UCHL3: variants seen among roughly 807,000 people sequenced by gnomAD.
The protein encoded by UCHL3 is ubiquitin carboxyl-terminal hydrolase isozyme L3.
UCHL3 carries 22 observed loss-of-function variants against 35.8 expected under a neutral mutation model. That is an observed-to-expected ratio of 0.61 (90% CI 0.44 to 0.88). The LOEUF (loss-of-function observed/expected upper bound fraction) is 0.88, where lower values mean the gene tolerates loss of function less well. Ranked by LOEUF, UCHL3 falls within the 40% of genes least tolerant of loss-of-function variation. The pLI, the probability that UCHL3 is intolerant of heterozygous loss-of-function variation, is 0.00. For missense variants in UCHL3, 229 were observed against 276.9 expected, an observed-to-expected ratio of 0.83 and a Z score of 1.23; for synonymous variants, 90 against 92.8, an observed-to-expected ratio of 0.97 and a Z score of 0.17.
At chr13:75,593,704 C>T (rs577305040) in intron 6 of UCHL3, among the ~76,000 whole-genome samples, 1 of 152,268 alleles carries the variant, frequency 6.6e-6, no homozygotes, top group Non-Finnish European at 1.5e-5. Context: ...TGTTGAATTT[C>T]TTCCGTTCAT....
At chr13:75,603,364 A>T (rs184858414) in intron 7 of UCHL3, among the ~76,000 whole-genome samples, 1 of 152,166 alleles carries the variant, frequency 6.6e-6, no homozygotes, top group Non-Finnish European at 1.5e-5. Flanking sequence ...GTGCTGTTGC[A>T]TGTGCCTGCA....
chr13:75,602,067 C>T (rs990981547), intron 7 of UCHL3, among the ~76,000 whole-genome samples: 24 of 152,038 alleles, frequency 1.6e-4, no homozygotes, highest in Non-Finnish European at 2.5e-4. Context: ...TGAGATTGTG[C>T]CACTGTACTC....
At chr13:75,575,328 G>A (rs1018366304) in intron 6 of UCHL3, among the ~76,000 whole-genome samples, 1 of 152,126 alleles carries the variant, frequency 6.6e-6, no homozygotes, top group African/African-American at 2.4e-5. Flanking sequence ...ACACTGAAAG[G>A]TATTGCTTTC....
chr13:75,605,990 T>G lies in UCHL3; in HGVS notation c.*178T>G. ...TGCTCCAGGTTAAAGGTGCAATGCT[T>G]TCCTCCTCTTTTCTTGTGAAGGATT... On this transcript the variant is annotated 3_prime_UTR_variant, in exon 9 of 9. Coordinates refer to ENST00000377595, the MANE Select transcript of UCHL3 (RefSeq NM_006002.5). 1 of 555,106 alleles carries G rather than the reference T, an allele frequency of 1.8e-6. No homozygotes were observed. The highest frequency in any genetic ancestry group is 3.2e-6 in the Non-Finnish European group (1 of 314,134). 34.4% of individuals were successfully genotyped at this position (555,106 alleles called of 1,614,324 possible).
intron 3 of UCHL3, among the ~76,000 whole-genome samples, chr13:75,561,134 C>T (rs151159240): frequency 1.1e-3 from 165 of 152,190 alleles, no homozygotes; most frequent in African/African-American, 3.7e-3. Context: ...AGGGCCTCAC[C>T]GTGTTGCCTG....
At chr13:75,564,083 A>G (rs2031603331) in intron 3 of UCHL3, among the ~76,000 whole-genome samples, 1 of 152,080 alleles carries the variant, frequency 6.6e-6, no homozygotes, top group Admixed American at 6.5e-5. Context: ...TTAGCCATCT[A>G]TGGACATTTG....
Position 75,594,409 on chromosome 13 carries a change from A to T in UCHL3, c.475-506A>T, listed in dbSNP as rs144287105. On this transcript the variant is annotated intron_variant, in intron 6 of 8. Coordinates refer to ENST00000377595, the MANE Select transcript of UCHL3 (RefSeq NM_006002.5). ...TGCTTATTTTACTCAAAGACTGTTTACACTGCACTGTTGAAACATCAGATT... is the reference window on the plus strand; with the variant it reads ...TGCTTATTTTACTCAAAGACTGTTTTCACTGCACTGTTGAAACATCAGATT... Among the ~76,000 whole-genome samples, 19 of 152,320 alleles carry T rather than the reference A, an allele frequency of 1.2e-4. No individual in the cohort carries two copies. The East Asian group carries it at 3.7e-3, about 29-fold the overall frequency.
chr13:75,594,573 T>C (rs60083157), intron 6 of UCHL3, among the ~76,000 whole-genome samples: 11,054 of 124,374 alleles, frequency 0.089, 1,334 homozygotes, highest in African/African-American at 0.26. Context: ...TATCAGTTCA[T>C]GTATTCATTT....
chr13:75,559,230 C>T (rs1455296310), intron 2 of UCHL3, among the ~76,000 whole-genome samples: 1 of 151,588 alleles, frequency 6.6e-6, no homozygotes, highest in Non-Finnish European at 1.5e-5. Flanking sequence ...TTAGTAGAGA[C>T]GGGGTTTCAC....
intron 8 of UCHL3, among the ~76,000 whole-genome samples, chr13:75,605,264 T>C (rs976433874): frequency 2.0e-5 from 3 of 152,114 alleles, no homozygotes; most frequent in Non-Finnish European, 2.9e-5. Flanking sequence ...TCCCAGCACT[T>C]TGGGAGGCCG....
At position 75,566,724 on chromosome 13, in the gene UCHL3, AAAAAT is replaced by A; in HGVS notation, c.219_223del (p.Lys74SerfsTer33). 8 of 1,599,902 alleles carry A rather than the reference AAAAAT, an allele frequency of 5.0e-6. No individual in the cohort carries two copies. Among genetic ancestry groups the A allele is most frequent in the Non-Finnish European group, 6.8e-6 (8 of 1,173,786 alleles). On this transcript the variant is annotated frameshift_variant, in exon 4 of 9. Transcript: ENST00000377595. LOFTEE classifies it high-confidence loss of function. ...AAGTATTCAGAACAGAAGAGGAAGAAAAAATAAAATCTCAGGGACAAGATGTTACA... is the reference window on the plus strand; with the variant it reads ...AAGTATTCAGAACAGAAGAGGAAGAAAAAATCTCAGGGACAAGATGTTACA...
At chr13:75,551,486 G>A (rs1332632064) in intron 2 of UCHL3, among the ~76,000 whole-genome samples, 1 of 150,094 alleles carries the variant, frequency 6.7e-6, no homozygotes, top group Non-Finnish European at 1.5e-5. Context: ...TTATCCTGAC[G>A]CCAAACTAGA....
intron 6 of UCHL3, among the ~76,000 whole-genome samples, chr13:75,572,936 G>A (rs1478943748): frequency 6.6e-6 from 1 of 152,090 alleles, no homozygotes. Context: ...CCCTGCTTCA[G>A]GGACTTTTAA....
chr13:75,577,640 G>T (rs2032064461), intron 6 of UCHL3, among the ~76,000 whole-genome samples: 1 of 152,150 alleles, frequency 6.6e-6, no homozygotes, highest in Non-Finnish European at 1.5e-5. Context: ...CCACTAAAGT[G>T]TCTAGTAGAT....
At chr13:75,595,427 A>G (rs997519502) in intron 7 of UCHL3, among the ~76,000 whole-genome samples, 8 of 151,614 alleles carry the variant, frequency 5.3e-5, no homozygotes, top group African/African-American at 7.3e-5. Context: ...GAGAAACCCC[A>G]TCTCTACTAA....
In UCHL3 at chr13:75,563,129, A is replaced by ATGTG. The variant is rs1423054422; in HGVS notation, c.183+2251_183+2252insGTGT. 7.1e-3 allele frequency among the ~76,000 whole-genome samples: 235 copies of ATGTG among 32,932 alleles called. 1 individual carries two copies. Among genetic ancestry groups the ATGTG allele is most frequent in the Middle Eastern group, 0.016 (1 of 62 alleles). 21.6% of individuals were successfully genotyped at this position (32,932 alleles called of 152,430 possible). A position where few individuals can be genotyped will look rare whatever the true frequency, so the allele number is the denominator to read the frequency against. On this transcript the variant is annotated intron_variant, in intron 3 of 8. Transcript: ENST00000377595. ...TGTCATGGGTACCTCATTATCCTTT[A>ATGTG]TGTATGTATGTATGTATGTATGTAT...
Position 75,592,444 on chromosome 13 carries a change from A to ATACATATATATATATATGTATATATG in UCHL3, c.475-2469_475-2468insCATATATATATATATGTATATATGTA, listed in dbSNP as rs1555276753. Reference sequence around the variant, plus strand: ...TATATATATATATATATATATATATATATATATATATATATATATATATGA... The same window carrying ATACATATATATATATATGTATATATG: ...TATATATATATATATATATATATATATACATATATATATATATGTATATATGTATATATATATATATATATATATGA... On this transcript the variant is annotated intron_variant, in intron 6 of 8. Coordinates refer to ENST00000377595, the MANE Select transcript of UCHL3 (RefSeq NM_006002.5). Among the ~76,000 whole-genome samples the ATACATATATATATATATGTATATATG allele has an allele frequency of 5.3e-3, 572 of 108,792 alleles. 18 individuals carry two copies. Among genetic ancestry groups the ATACATATATATATATATGTATATATG allele is most frequent in the African/African-American group, 0.019 (538 of 28,118 alleles). The allele number at this position is 108,792 out of a possible 152,430, so 71.4% of individuals were successfully genotyped here.
At chr13:75,587,774 G>GA (rs945363623) in intron 6 of UCHL3, among the ~76,000 whole-genome samples, 6 of 152,090 alleles carry the variant, frequency 3.9e-5, no homozygotes, top group African/African-American at 1.4e-4. Context: ...CCTGAAGTTG[G>GA]AAATCACATT....
chr13:75,605,997 T>C lies in UCHL3; in HGVS notation c.*185T>C, dbSNP rs2032935344. On this transcript the variant is annotated 3_prime_UTR_variant, in exon 9 of 9. Coordinates refer to ENST00000377595, the MANE Select transcript of UCHL3 (RefSeq NM_006002.5). ...GGTTAAAGGTGCAATGCTTTCCTCC[T>C]CTTTTCTTGTGAAGGATTTATCTTG... The C allele has an allele frequency of 1.8e-6, 1 of 545,892 alleles. No individual in the cohort carries two copies. Among genetic ancestry groups the C allele is most frequent in the Non-Finnish European group, 3.2e-6 (1 of 308,528 alleles). 33.8% of individuals were successfully genotyped at this position (545,892 alleles called of 1,614,324 possible). A position where few individuals can be genotyped will look rare whatever the true frequency, so the allele number is the denominator to read the frequency against.
Sources: allele counts gnomAD v4.1 joint callset (sites outside exome capture counted in the v4.1 genomes callset), GRCh38; gene constraint gnomAD v4.1.1; transcripts MANE v1.5; gene names NCBI Gene and HGNC (gene_info 2026-07-23, HGNC 2026-07-21).